Variants in ANO3 observed in about 807,000 individuals in gnomAD.
The protein encoded by ANO3 is anoctamin 3.
Under a neutral mutation model 144.8 loss-of-function variants are expected in ANO3, and 99 were observed. The ratio of observed to expected loss-of-function variants is 0.68; its 90% CI spans 0.58 to 0.81. The LOEUF (loss-of-function observed/expected upper bound fraction) is 0.81. Among genes scored for constraint, ANO3 ranks in the 30% least tolerant of loss-of-function variants. The pLI is 0.00. For missense variants in ANO3, 905 were observed against 1,202.2 expected (o/e 0.75, Z 3.66); for synonymous variants, 414 against 392.6 (o/e 1.05, Z -0.64).
chr11:26,333,151 C>T (rs983432963), intron 1 of ANO3, among the ~76,000 whole-genome samples: 3 of 152,058 alleles, frequency 2.0e-5, no homozygotes, highest in Non-Finnish European at 4.4e-5. Context: ...CCATAGAGTG[C>T]CTTAGATGTG....
chr11:26,379,574 G>T (rs1037856238), intron 1 of ANO3, among the ~76,000 whole-genome samples: 2 of 151,974 alleles, frequency 1.3e-5, no homozygotes, highest in Admixed American at 6.6e-5. Flanking sequence ...TTGAGCACAG[G>T]AGTTCAAGAC....
intron 1 of ANO3, among the ~76,000 whole-genome samples, chr11:26,439,072 C>G (rs1334081666): frequency 1.3e-5 from 2 of 152,248 alleles, no homozygotes; most frequent in Middle Eastern, 3.4e-3. Flanking sequence ...GGTGCCAAGA[C>G]AAGTCGATGG....
chr11:26,626,611 A>T (rs1277303176), intron 18 of ANO3, among the ~76,000 whole-genome samples: 1 of 152,188 alleles, frequency 6.6e-6, no homozygotes, highest in African/African-American at 2.4e-5. Flanking sequence ...CTGAACAGCA[A>T]GTTCTTACTG....
intron 1 of ANO3, among the ~76,000 whole-genome samples, chr11:26,269,736 C>T (rs976018449): frequency 2.6e-5 from 4 of 152,196 alleles, no homozygotes; most frequent in African/African-American, 9.7e-5. Flanking sequence ...AGTCAGATGA[C>T]TGGATTCACA....
intron 1 of ANO3, among the ~76,000 whole-genome samples, chr11:26,415,480 A>C: frequency 6.6e-6 from 1 of 152,120 alleles, no homozygotes; most frequent in East Asian, 1.9e-4. Flanking sequence ...TATTTGAATC[A>C]TAAATTATGG....
intron 1 of ANO3, among the ~76,000 whole-genome samples, chr11:26,259,071 T>G (rs1302599457): frequency 6.6e-6 from 1 of 152,188 alleles, no homozygotes; most frequent in Non-Finnish European, 1.5e-5. Context: ...TTGATGAAAC[T>G]CAGGCCTAAG....
At chr11:26,647,899 T>C in intron 24 of ANO3, 43 bp downstream of exon 24, 1 of 1,563,382 alleles carries the variant, frequency 6.4e-7, no homozygotes, top group Non-Finnish European at 8.7e-7. Context: ...GTTTTACATT[T>C]GTAATTAAAA....
chr11:26,320,571 C>T (rs1482356249), intron 1 of ANO3, among the ~76,000 whole-genome samples: 2 of 151,918 alleles, frequency 1.3e-5, no homozygotes, highest in Non-Finnish European at 2.9e-5. Flanking sequence ...ATATTGTTTC[C>T]TATTGTATTT....
chr11:26,577,691 A>T (rs1221452266), intron 14 of ANO3, among the ~76,000 whole-genome samples: 3 of 152,174 alleles, frequency 2.0e-5, no homozygotes, highest in Non-Finnish European at 4.4e-5. Flanking sequence ...GCTTTTTTCC[A>T]GCTATGTTAA....
In ANO3 at chr11:26,662,957, T is replaced by C. The variant is rs1420053609; in HGVS notation, c.*2513T>C. On this transcript the variant is annotated 3_prime_UTR_variant, in exon 27 of 27. Coordinates refer to ENST00000256737, the MANE Select transcript of ANO3 (RefSeq NM_031418.4). ...CTATTCTCAGGAATTCTGTATTACA[T>C]GAATGCTGCTTATATATTTTCATAT... 6.6e-6 allele frequency: 1 copy of C among 152,500 alleles called. No individual in the cohort carries two copies. The highest frequency in any genetic ancestry group is 6.6e-5 in the Admixed American group (1 of 15,220). 9.4% of individuals were successfully genotyped at this position (152,500 alleles called of 1,614,324 possible).
At chr11:26,249,102 A>G (rs1169388464) in intron 1 of ANO3, among the ~76,000 whole-genome samples, 2 of 152,148 alleles carry the variant, frequency 1.3e-5, no homozygotes, top group Admixed American at 1.3e-4. Flanking sequence ...GCAAAGACAA[A>G]ATACTGACCA....
intron 4 of ANO3, among the ~76,000 whole-genome samples, chr11:26,504,732 G>A (rs1358533056): frequency 1.3e-5 from 2 of 151,780 alleles, no homozygotes; most frequent in Admixed American, 1.3e-4. Flanking sequence ...GAAGAGAAAA[G>A]GTAGAAGCCC....
intron 1 of ANO3, among the ~76,000 whole-genome samples, chr11:26,260,006 C>T (rs1416981014): frequency 1.3e-5 from 2 of 151,882 alleles, no homozygotes; most frequent in Non-Finnish European, 2.9e-5. Flanking sequence ...ACAGTTAGGG[C>T]CCTGTCTGAT....
At chr11:26,530,809 C>T (rs1849352198) in intron 7 of ANO3, among the ~76,000 whole-genome samples, 1 of 152,046 alleles carries the variant, frequency 6.6e-6, no homozygotes, top group South Asian at 2.1e-4. Context: ...GTGGAGGTTG[C>T]AGTGAGCCAA....
At chr11:26,412,469 C>G (rs1857458188) in intron 1 of ANO3, among the ~76,000 whole-genome samples, 1 of 151,910 alleles carries the variant, frequency 6.6e-6, no homozygotes, top group African/African-American at 2.4e-5. Context: ...ATAATATATT[C>G]AAATAACATC....
intron 1 of ANO3, among the ~76,000 whole-genome samples, chr11:26,401,293 A>G (rs889367491): frequency 6.6e-6 from 1 of 151,854 alleles, no homozygotes; most frequent in Non-Finnish European, 1.5e-5. Context: ...ATTATCCTTC[A>G]TTGTCTTGCT....
At chr11:26,279,154 G>A (rs1853622570) in intron 1 of ANO3, among the ~76,000 whole-genome samples, 1 of 152,106 alleles carries the variant, frequency 6.6e-6, no homozygotes, top group Non-Finnish European at 1.5e-5. Context: ...CTTCCCTAGA[G>A]TCTGTGAAGC....
intron 1 of ANO3, among the ~76,000 whole-genome samples, chr11:26,409,102 A>G (rs1183866230): frequency 1.4e-5 from 2 of 144,516 alleles, no homozygotes; most frequent in East Asian, 4.3e-4. Flanking sequence ...CATTGTACAC[A>G]TGTACCCTAA....
intron 14 of ANO3, among the ~76,000 whole-genome samples, chr11:26,586,890 C>G (rs1851302646): frequency 6.6e-6 from 1 of 152,018 alleles, no homozygotes; most frequent in South Asian, 2.1e-4. Context: ...GCATGCCAAA[C>G]TTTTCACCAG....
Sources: gnomAD v4.1 joint callset for allele counts (sites outside exome capture counted in the v4.1 genomes callset) on GRCh38, gnomAD v4.1.1 for gene constraint, MANE v1.5 for transcripts, NCBI Gene and HGNC (gene_info 2026-07-23, HGNC 2026-07-21) for gene names.